Variants in PNPLA7 observed in about 807,000 individuals in gnomAD.
The protein encoded by PNPLA7 is patatin like domain 7, lysophospholipase.
In PNPLA7, 153 loss-of-function variants were observed where a neutral mutation model predicts 161.7. The ratio of observed to expected loss-of-function variants is 0.95; its 90% confidence interval spans 0.83 to 1.08. The LOEUF is 1.08. PNPLA7 is among the 50% of genes least tolerant of loss of function. The pLI, the probability that PNPLA7 is intolerant of heterozygous loss-of-function variation, is 0.00. For synonymous variants in PNPLA7, 809 were observed against 782.1 expected (o/e 1.03, Z -0.57); for missense variants, 1,739 against 1,856.6 (o/e 0.94, Z 1.16).
At chr9:137,462,925 G>C in intron 29 of PNPLA7, 92 bp from the exon 30 acceptor site, 1 of 1,530,658 alleles carries the variant, frequency 6.5e-7, no homozygotes, top group Non-Finnish European at 8.9e-7. Context: ...CTGACGTGGG[G>C]GTTGTGGGGT....
intron 25 of PNPLA7, among the ~76,000 whole-genome samples, chr9:137,470,305 C>T (rs1831650495): frequency 6.6e-6 from 1 of 152,186 alleles, no homozygotes; most frequent in African/African-American, 2.4e-5. Flanking sequence ...TGTGAGGCAC[C>T]GCGCCTGGCC....
At chr9:137,501,785 G>C (rs1833438841) in intron 14 of PNPLA7, 58 bp from the exon 15 acceptor site, 2 of 1,550,974 alleles carry the variant, frequency 1.3e-6, no homozygotes, top group Non-Finnish European at 1.8e-6. Context: ...AAGGTCCAGA[G>C]AACAGAGGCT....
At chr9:137,469,544 G>C (rs1831622141) in intron 25 of PNPLA7, among the ~76,000 whole-genome samples, 1 of 152,210 alleles carries the variant, frequency 6.6e-6, no homozygotes, top group African/African-American at 2.4e-5. Context: ...GAAAATAAAA[G>C]ATGCGTTACC....
chr9:137,506,592 G>T (rs143535534), intron 12 of PNPLA7, among the ~76,000 whole-genome samples: 65 of 152,264 alleles, frequency 4.3e-4, no homozygotes, highest in African/African-American at 1.4e-3. Context: ...TCAGAGGTTC[G>T]CTCTTCGCAG....
intron 8 of PNPLA7, among the ~76,000 whole-genome samples, chr9:137,534,541 C>T (rs1305690556): frequency 4.6e-5 from 7 of 152,344 alleles, no homozygotes; most frequent in Admixed American, 6.5e-5. Context: ...GCAGAACATA[C>T]GCAGATTCCT....
chr9:137,516,838 T>C (rs1379881741), intron 11 of PNPLA7, among the ~76,000 whole-genome samples: 4 of 150,064 alleles, frequency 2.7e-5, no homozygotes, highest in Non-Finnish European at 3.0e-5. Context: ...ATAATAATTA[T>C]TATTATTATT....
intron 18 of PNPLA7, among the ~76,000 whole-genome samples, chr9:137,496,141 G>GTT (rs55854515): frequency 2.2e-5 from 3 of 138,224 alleles, no homozygotes; most frequent in South Asian, 2.3e-4. Context: ...GTTTTTTTTT[G>GTT]TTTTTTTTTT....
At chr9:137,488,561 G>A (rs973425575) in intron 20 of PNPLA7, among the ~76,000 whole-genome samples, 5 of 152,136 alleles carry the variant, frequency 3.3e-5, no homozygotes, top group Admixed American at 1.3e-4. Context: ...CGGGGACCTC[G>A]GACTCATGGA....
chr9:137,480,901 A>C (rs1394697062), intron 22 of PNPLA7, 59 bp downstream of exon 22: 2 of 1,501,998 alleles, frequency 1.3e-6, no homozygotes, highest in Non-Finnish European at 1.8e-6. Flanking sequence ...CAGTGGGGAC[A>C]CATCTCAGGG....
Position 137,460,432 on chromosome 9 carries a change from G to C in PNPLA7, c.3990C>G (p.Phe1330Leu). ...CAGAGGAGCCCTCAGACAGTTTTGG[G>C]AAAGCCAGACTGGGGTGTCGATGCC... ...SLRHRHPSLA[F>L]PKLSEGSSDQ... The change falls in exon 35 of 35, where the codon TTC becomes TTG. Residue 1330 changes from phenylalanine (F) to leucine (L), a missense_variant. Transcript: ENST00000406427. 1.9e-6 allele frequency: 3 copies of C among 1,612,746 alleles called. No individual in the cohort carries two copies. The highest frequency in any genetic ancestry group is 2.5e-6 in the Non-Finnish European group (3 of 1,179,926).
intron 12 of PNPLA7, among the ~76,000 whole-genome samples, chr9:137,508,018 G>A (rs2132364623): frequency 6.6e-6 from 1 of 151,834 alleles, no homozygotes; most frequent in Admixed American, 6.5e-5. Context: ...CACAGCAAGA[G>A]ATCTCTATCT....
chr9:137,462,163 G>T lies in PNPLA7; in HGVS notation c.3645+16C>A, dbSNP rs902368549. The T allele has an allele frequency of 6.4e-7, 1 of 1,554,514 alleles. No individual in the cohort carries two copies. The highest frequency in any genetic ancestry group is 1.4e-5 in the African/African-American group (1 of 73,374). ...GCCTCCGCCCGCCTCCGCCGCCGCG[G>T]GTGGCCGGCACTCACGCAGATCTCG... On this transcript the variant is annotated intron_variant, in intron 31 of 34. Transcript: ENST00000406427.
At chr9:137,473,050 A>G (rs973202188) in intron 25 of PNPLA7, among the ~76,000 whole-genome samples, 1 of 152,202 alleles carries the variant, frequency 6.6e-6, no homozygotes, top group Admixed American at 6.5e-5. Flanking sequence ...GCAGAGGCAC[A>G]TCTTACATGG....
intron 16 of PNPLA7, among the ~76,000 whole-genome samples, chr9:137,498,717 GGGAACACTGTTCTCT>G (rs1833207084): frequency 6.6e-6 from 1 of 152,142 alleles, no homozygotes; most frequent in Non-Finnish European, 1.5e-5. Context: ...CTCTGACCCG[GGGAACACTGTTCTCT>G]CCCCGGTGGT....
chr9:137,522,121 C>G (rs894772936), intron 9 of PNPLA7, among the ~76,000 whole-genome samples: 50 of 152,326 alleles, frequency 3.3e-4, no homozygotes, highest in African/African-American at 1.2e-3. Context: ...GCCGCCCAGG[C>G]TGGAGTGCAG....
At chr9:137,528,139 T>A (rs761497700) in intron 8 of PNPLA7, among the ~76,000 whole-genome samples, 2 of 152,258 alleles carry the variant, frequency 1.3e-5, no homozygotes, top group Non-Finnish European at 2.9e-5. Context: ...TCTTCTTTTC[T>A]ACACTAGTCT....
chr9:137,479,553 A>C, intron 23 of PNPLA7: 1 of 1,085,522 alleles, frequency 9.2e-7, no homozygotes, highest in East Asian at 5.8e-5. Context: ...ACAAACTCTC[A>C]CAAGGGAGCA....
intron 18 of PNPLA7, among the ~76,000 whole-genome samples, chr9:137,496,935 G>A (rs1833090419): frequency 6.6e-6 from 1 of 152,210 alleles, no homozygotes; most frequent in South Asian, 2.1e-4. Context: ...GCTCCCAGAT[G>A]CCAGGATAGG....
At chr9:137,518,977 C>T (rs1278856058) in intron 11 of PNPLA7, among the ~76,000 whole-genome samples, 1 of 142,306 alleles carries the variant, frequency 7.0e-6, no homozygotes, top group Non-Finnish European at 1.5e-5. Flanking sequence ...ACCCTATCCA[C>T]TCCATCCCCC....
Sources: gnomAD v4.1 joint callset for allele counts (sites outside exome capture counted in the v4.1 genomes callset) on GRCh38, gnomAD v4.1.1 for gene constraint, MANE v1.5 for transcripts, NCBI Gene and HGNC (gene_info 2026-07-23, HGNC 2026-07-21) for gene names.